ZNF8: variants seen among roughly 807,000 people sequenced by gnomAD.
ZNF8 encodes zinc finger protein 272.
A neutral mutation model predicts 12.2 loss-of-function variants in ZNF8; 9 were observed. The observed-to-expected ratio is 0.73, with a 90% CI of 0.44 to 1.28. The LOEUF (loss-of-function observed/expected upper bound fraction) is 1.28, where lower values mean the gene tolerates loss of function less well. ZNF8 is among the 50% of genes most tolerant of loss of function. The pLI, the probability that ZNF8 is intolerant of heterozygous loss-of-function variation, is 0.00. For missense variants in ZNF8, 664 were observed against 729.1 expected (o/e 0.91, Z 1.03); for synonymous variants, 274 against 282.3 (o/e 0.97, Z 0.30).
At chr19:58,283,860 A>G (rs559711060) in intron 1 of ZNF8, among the ~76,000 whole-genome samples, 2 of 151,576 alleles carry the variant, frequency 1.3e-5, no homozygotes, top group South Asian at 4.2e-4. Context: ...CGGCCTCCCA[A>G]AGTGCTGGGA....
chr19:58,282,966 C>CT (rs201179087), intron 1 of ZNF8, among the ~76,000 whole-genome samples: 1,802 of 147,806 alleles, frequency 0.012, 39 homozygotes, highest in African/African-American at 0.041. Context: ...TATTTTATTT[C>CT]TTTTTTTTCT....
chr19:58,295,180 G>A lies in ZNF8; in HGVS notation c.1372G>A (p.Glu458Lys). 2 of 1,614,100 alleles carry A rather than the reference G, an allele frequency of 1.2e-6. No homozygotes were observed. Among genetic ancestry groups the A allele is most frequent in the South Asian group, 1.1e-5 (1 of 91,090 alleles). ...LGCDPPLSQDERTHRSDRPFK... is the reference protein window; with the variant it reads ...LGCDPPLSQDKRTHRSDRPFK... Reference sequence around the variant, plus strand: ...CTGTGACCCACCTTTGAGTCAAGATGAGAGGACTCACCGAAGCGACAGACC... The same window carrying A: ...CTGTGACCCACCTTTGAGTCAAGATAAGAGGACTCACCGAAGCGACAGACC... Residue 458 changes from glutamate (E) to lysine (K), a missense_variant, in exon 4 of 4, where the codon GAG (glutamate) becomes AAG (lysine). This residue lies in a region of ZNF8 where 225 missense variants were observed against 222.0 expected (regional missense o/e 1.01). Coordinates refer to ENST00000621650, the MANE Select transcript of ZNF8 (RefSeq NM_021089.3).
intron 1 of ZNF8, among the ~76,000 whole-genome samples, chr19:58,281,332 G>C (rs1223817590): frequency 6.6e-6 from 1 of 152,156 alleles, no homozygotes; most frequent in Non-Finnish European, 1.5e-5. Flanking sequence ...ATATGTAAAG[G>C]AGAAACATCA....
chr19:58,300,236 A>T lies in ZNF8; in HGVS notation c.*4700A>T, dbSNP rs115394447. ...AGAATTTGATGTCAGCACCCAGCTG[A>T]CCATGGCTTAAACAGATGAGGCTTT... On this transcript the variant is annotated 3_prime_UTR_variant, in exon 4 of 4. Transcript: ENST00000621650. 181 of 152,328 alleles carry T rather than the reference A, an allele frequency of 1.2e-3. No homozygotes were observed. Among genetic ancestry groups the T allele is most frequent in the African/African-American group, 3.9e-3 (163 of 41,566 alleles). The allele number at this position is 152,328 out of a possible 1,614,324, so 9.4% of individuals were successfully genotyped here.
chr19:58,294,454 T>C lies in ZNF8; in HGVS notation c.646T>C (p.Leu216=). ...QITDSEHNSS[L]VSQQTGSPGK... ...TACAGACTCAGAACATAACTCCAGC[T>C]TAGTCAGTCAGCAGACAGGCTCCCC... The change falls in exon 4 of 4, where the codon TTA becomes CTA. Residue 216 remains leucine, a synonymous_variant. Coordinates refer to ENST00000621650, the MANE Select transcript of ZNF8 (RefSeq NM_021089.3). The surrounding 1 kb of genome is among the most constrained non-coding windows in gnomAD (Gnocchi z 5.5). 1 of 1,614,104 alleles carries C rather than the reference T, an allele frequency of 6.2e-7. No individual in the cohort carries two copies. The highest frequency in any genetic ancestry group is 1.1e-5 in the South Asian group (1 of 91,080).
intron 1 of ZNF8, among the ~76,000 whole-genome samples, chr19:58,283,677 G>A (rs2051364563): frequency 7.0e-6 from 1 of 143,308 alleles, no homozygotes. Context: ...TTGACTCACT[G>A]CAAGCTCTGC....
chr19:58,286,036 T>G, intron 2 of ZNF8, 74 bp from the exon 3 acceptor site: 1 of 1,515,450 alleles, frequency 6.6e-7, no homozygotes. Context: ...CAGTCGGGAG[T>G]CTGGTCTGGA....
In ZNF8 at chr19:58,300,193, C is replaced by G. The variant is rs1315097478; in HGVS notation, c.*4657C>G. 6.6e-6 allele frequency: 1 copy of G among 152,256 alleles called. No homozygotes were observed. Among genetic ancestry groups the G allele is most frequent in the African/African-American group, 2.4e-5 (1 of 41,468 alleles). 9.4% of individuals were successfully genotyped at this position (152,256 alleles called of 1,614,324 possible). On this transcript the variant is annotated 3_prime_UTR_variant, in exon 4 of 4. Coordinates refer to ENST00000621650, the MANE Select transcript of ZNF8 (RefSeq NM_021089.3). ...CTAGAACAAAAGTAACCAGCCCAAG[C>G]TAGGAAGTGGTGGAGTTAGAATTTG... is the stretch of plus-strand genomic sequence containing the variant.
At chr19:58,289,535 A>G (rs1475639942) in intron 3 of ZNF8, among the ~76,000 whole-genome samples, 2 of 150,858 alleles carry the variant, frequency 1.3e-5, no homozygotes, top group South Asian at 4.2e-4. Context: ...TTATTTTCTT[A>G]TAGTTGTGGA....
rs570991467 is a variant in ZNF8 at position 58,290,330 on chromosome 19, G to A, written c.290-3768G>A. On this transcript the variant is annotated intron_variant, in intron 3 of 3. Transcript: ENST00000621650. ...GGGGTTTCACCGTGTTGGCCAGGAT[G>A]GTCTCTATCTCCTGACCTCGTGATC... 2.0e-5 allele frequency among the ~76,000 whole-genome samples: 3 copies of A among 149,768 alleles called. No homozygotes were observed. The South Asian group carries it at 6.4e-4, about 32-fold the overall frequency.
At chr19:58,285,149 G>GTTT (rs1257398126) in intron 1 of ZNF8, among the ~76,000 whole-genome samples, 1 of 102,646 alleles carries the variant, frequency 9.7e-6, no homozygotes, top group African/African-American at 3.4e-5. Context: ...TGGTGAACCT[G>GTTT]TTTTTTTGTT....
chr19:58,283,465 C>A (rs183142162), intron 1 of ZNF8, among the ~76,000 whole-genome samples: 14 of 152,112 alleles, frequency 9.2e-5, no homozygotes, highest in African/African-American at 2.9e-4. Flanking sequence ...GAGAGAGAGA[C>A]CTGAGCTGGC....
intron 3 of ZNF8, among the ~76,000 whole-genome samples, chr19:58,292,809 T>G (rs924458888): frequency 6.6e-6 from 1 of 152,256 alleles, no homozygotes; most frequent in Non-Finnish European, 1.5e-5. Context: ...ATATTTTGTT[T>G]ATGCATTTGT....
intron 1 of ZNF8, chr19:58,279,705 G>A (rs554534062): frequency 6.6e-7 from 1 of 1,526,260 alleles, no homozygotes; most frequent in African/African-American, 1.4e-5. Context: ...CGTCCCCTGC[G>A]AGACTGTGGG....
chr19:58,279,490 T>C (rs2051331886), intron 1 of ZNF8: 1 of 1,476,654 alleles, frequency 6.8e-7, no homozygotes, highest in Non-Finnish European at 9.0e-7. Flanking sequence ...TCTGTCCTCG[T>C]GTTGACTGAT....
chr19:58,289,998 A>G (rs952480733), intron 3 of ZNF8, among the ~76,000 whole-genome samples: 14 of 150,108 alleles, frequency 9.3e-5, no homozygotes, highest in Non-Finnish European at 1.8e-4. Flanking sequence ...GGATTTCACC[A>G]TGTTGGCCAG....
intron 1 of ZNF8, among the ~76,000 whole-genome samples, chr19:58,283,816 G>A (rs958833368): frequency 6.6e-6 from 1 of 151,416 alleles, no homozygotes; most frequent in Non-Finnish European, 1.5e-5. Context: ...AGCCAGGATG[G>A]TCTCGATCTC....
In ZNF8 at chr19:58,302,745, A is replaced by C. The variant is rs1470487732; in HGVS notation, c.*7209A>C. The stretch of plus-strand genomic sequence containing the variant: ...CCACTATCTAAATTACACATACATA[A>C]ACCCTTTGTCTAAGCAAACTTGCTG... On this transcript the variant is annotated 3_prime_UTR_variant, in exon 4 of 4. Transcript: ENST00000621650. 1 of 152,208 alleles carries C rather than the reference A, an allele frequency of 6.6e-6. No homozygotes were observed. Among genetic ancestry groups the C allele is most frequent in the Admixed American group, 6.5e-5 (1 of 15,288 alleles). 9.4% of individuals were successfully genotyped at this position (152,208 alleles called of 1,614,324 possible).
Position 58,294,283 on chromosome 19 carries a change from T to C in ZNF8, c.475T>C (p.Leu159=), listed in dbSNP as rs368847543. 1.3e-5 allele frequency: 21 copies of C among 1,613,952 alleles called. No individual in the cohort carries two copies. Among genetic ancestry groups the C allele is most frequent in the Non-Finnish European group, 1.5e-5 (18 of 1,180,016 alleles). The change falls in exon 4 of 4, where the codon TTG becomes CTG. Residue 159 remains leucine (L), a synonymous_variant. Coordinates refer to ENST00000621650, the MANE Select transcript of ZNF8 (RefSeq NM_021089.3). The surrounding 1 kb of genome is among the most constrained non-coding windows in gnomAD (Gnocchi z 5.5). ...CAAGGAGCAGAATAACTTGAAGCAG[T>C]TGGAATTTGGCCTCAAGGAAGCACC... ...ALKEQNNLKQ[L]EFGLKEAPVQ...
Sources: gnomAD v4.1 joint callset for allele counts (sites outside exome capture counted in the v4.1 genomes callset) on GRCh38, gnomAD v4.1.1 for gene constraint, gnomAD v4.1.1 regional missense constraint, Gnocchi (gnomAD v3.1) non-coding constraint, MANE v1.5 for transcripts, NCBI Gene and HGNC (gene_info 2026-07-23, HGNC 2026-07-21) for gene names.